Variants in WWOX observed in about 807,000 individuals in gnomAD.
WWOX encodes WW domain containing oxidoreductase.
A neutral mutation model predicts 46.2 loss-of-function variants in WWOX; 69 were observed. The observed-to-expected ratio is 1.49, with a 90% CI of 1.23 to 1.82. The LOEUF is 1.82. Among genes scored for constraint, WWOX ranks in the 40% most tolerant of loss-of-function variants. WWOX has a pLI of 0.00. For missense variants in WWOX, 919 were observed against 542.6 expected (o/e 1.69, Z -6.89); for synonymous variants, 359 against 202.6 (o/e 1.77, Z -6.56).
intron 8 of WWOX, among the ~76,000 whole-genome samples, chr16:79,003,519 G>A (rs2047134594): frequency 6.6e-6 from 1 of 152,164 alleles, no homozygotes; most frequent in Non-Finnish European, 1.5e-5. Context: ...CTCTGGATAG[G>A]GTTTGGCTGG....
intron 8 of WWOX, among the ~76,000 whole-genome samples, chr16:78,633,834 C>T (rs1289051128): frequency 6.6e-6 from 1 of 152,034 alleles, no homozygotes; most frequent in East Asian, 1.9e-4. Context: ...GGATTGGGAC[C>T]TGTTTTCCTT....
chr16:78,421,858 T>A (rs1285862607), intron 6 of WWOX, among the ~76,000 whole-genome samples: 1 of 152,206 alleles, frequency 6.6e-6, no homozygotes, highest in East Asian at 1.9e-4. Context: ...GCTACATACA[T>A]GCTTTATTGC....
chr16:78,712,058 C>G (rs1026407048), intron 8 of WWOX, among the ~76,000 whole-genome samples: 4 of 152,122 alleles, frequency 2.6e-5, no homozygotes, highest in Admixed American at 2.6e-4. Flanking sequence ...TCTCCTATAT[C>G]TTATATTCAT....
intron 8 of WWOX, among the ~76,000 whole-genome samples, chr16:78,950,230 G>T (rs2046031136): frequency 1.3e-5 from 2 of 152,206 alleles, no homozygotes; most frequent in South Asian, 2.1e-4. Flanking sequence ...TAATCTTTCA[G>T]TTGAATTACG....
intron 8 of WWOX, chr16:78,780,596 G>A (rs78054536): frequency 4.6e-5 from 7 of 152,212 alleles, no homozygotes; most frequent in African/African-American, 1.4e-4. Context: ...AGCAACTTCG[G>A]GGGAGGAGGA....
intron 3 of WWOX, among the ~76,000 whole-genome samples, chr16:78,110,339 CA>C (rs34862048): frequency 0.026 from 2,205 of 85,638 alleles, 46 homozygotes; most frequent in African/African-American, 0.097. Context: ...GACTCCTTCT[CA>C]AAAAAAAAAA....
intron 8 of WWOX, among the ~76,000 whole-genome samples, chr16:78,940,257 T>C (rs1363949839): frequency 1.3e-5 from 2 of 152,198 alleles, no homozygotes; most frequent in Non-Finnish European, 2.9e-5. Context: ...GGAGTATATA[T>C]TTTGTATTAA....
intron 5 of WWOX, among the ~76,000 whole-genome samples, chr16:78,316,473 G>T (rs1193583672): frequency 1.3e-5 from 2 of 152,070 alleles, no homozygotes; most frequent in Non-Finnish European, 1.5e-5. Context: ...CTCCTGAGTA[G>T]CTGGGATTAC....
intron 6 of WWOX, among the ~76,000 whole-genome samples, chr16:78,405,207 G>A (rs1384703575): frequency 1.3e-5 from 2 of 152,172 alleles, no homozygotes; most frequent in Admixed American, 1.3e-4. Flanking sequence ...ACTATAAGAA[G>A]TTGCAAATGG....
At chr16:78,950,364 C>T (rs913007905) in intron 8 of WWOX, among the ~76,000 whole-genome samples, 2 of 152,090 alleles carry the variant, frequency 1.3e-5, no homozygotes, top group Non-Finnish European at 2.9e-5. Context: ...GTGTTTGTTA[C>T]TACAAAAGCA....
At chr16:78,630,855 G>T (rs1208314142) in intron 8 of WWOX, among the ~76,000 whole-genome samples, 1 of 144,268 alleles carries the variant, frequency 6.9e-6, no homozygotes, top group Non-Finnish European at 1.6e-5. Context: ...GTGAATGAAC[G>T]AAAGAGGCCA....
chr16:79,013,927 A>G (rs1442797093), intron 8 of WWOX, among the ~76,000 whole-genome samples: 2 of 152,258 alleles, frequency 1.3e-5, no homozygotes, highest in South Asian at 2.1e-4. Context: ...GAACACCAGA[A>G]ACACCTCCTC....
intron 8 of WWOX, among the ~76,000 whole-genome samples, chr16:78,590,359 T>C (rs927249310): frequency 3.9e-5 from 6 of 152,118 alleles, no homozygotes; most frequent in Non-Finnish European, 7.3e-5. Flanking sequence ...AAGAGGAATC[T>C]GAAAGTGTTA....
chr16:78,813,093 T>G (rs908167197), intron 8 of WWOX, among the ~76,000 whole-genome samples: 1 of 152,024 alleles, frequency 6.6e-6, no homozygotes, highest in Non-Finnish European at 1.5e-5. Flanking sequence ...TTCTTTTTTT[T>G]TTTTTCCAAC....
intron 8 of WWOX, among the ~76,000 whole-genome samples, chr16:79,089,679 G>T (rs17727687): frequency 0.1 from 15,489 of 152,148 alleles, 902 homozygotes; most frequent in Middle Eastern, 0.13. Context: ...CTTCGAATTG[G>T]TGCACTAGAG....
At chr16:78,993,464 T>C (rs1002135667) in intron 8 of WWOX, among the ~76,000 whole-genome samples, 10 of 152,182 alleles carry the variant, frequency 6.6e-5, no homozygotes, top group African/African-American at 9.7e-5. Flanking sequence ...AGAGTAATTA[T>C]AGTTAAGCAG....
chr16:79,138,550 C>G (rs972968469), intron 8 of WWOX, among the ~76,000 whole-genome samples: 1 of 152,196 alleles, frequency 6.6e-6, no homozygotes, highest in African/African-American at 2.4e-5. Context: ...TGGCATCAGA[C>G]CTGGCAGGCA....
intron 8 of WWOX, among the ~76,000 whole-genome samples, chr16:78,518,555 T>C (rs1299416568): frequency 6.6e-6 from 1 of 152,152 alleles, no homozygotes; most frequent in African/African-American, 2.4e-5. Context: ...TACTCACAGC[T>C]CCCTTAGGAG....
intron 8 of WWOX, among the ~76,000 whole-genome samples, chr16:78,496,654 A>C (rs2084926362): frequency 6.6e-6 from 1 of 152,350 alleles, no homozygotes; most frequent in African/African-American, 2.4e-5. Flanking sequence ...TATGCACCCC[A>C]AGTTTCTGGT....
Sources: allele counts gnomAD v4.1 joint callset (sites outside exome capture counted in the v4.1 genomes callset), GRCh38; gene constraint gnomAD v4.1.1; transcripts MANE v1.5; gene names NCBI Gene and HGNC (gene_info 2026-07-23, HGNC 2026-07-21).